Variants in ADGRV1 observed in about 807,000 individuals in gnomAD.
The protein encoded by ADGRV1 is G-protein coupled receptor 98.
In ADGRV1, 359 loss-of-function variants were observed where a neutral mutation model predicts 596.2. The observed-to-expected ratio is 0.60, with a 90% CI of 0.55 to 0.66. ADGRV1 has a LOEUF of 0.66. ADGRV1 is among the 30% of genes least tolerant of loss of function. The probability of loss-of-function intolerance (pLI) is 0.00; values close to 1 mark genes in which losing one functional copy is unlikely to be tolerated. For synonymous variants in ADGRV1, 2,681 were observed against 2,679.2 expected, an observed-to-expected ratio of 1.00 and a Z score of -0.02; for missense variants, 7,274 against 7,575.6, an observed-to-expected ratio of 0.96 and a Z score of 1.48.
chr5:90,711,940 T>G (rs1432265635), intron 41 of ADGRV1, among the ~76,000 whole-genome samples: 1 of 151,872 alleles, frequency 6.6e-6, no homozygotes, highest in Non-Finnish European at 1.5e-5. Flanking sequence ...CCATGCTAAT[T>G]TTTTTTGTAT....
chr5:90,853,987 C>T (rs892098889), intron 80 of ADGRV1, 75 bp from the exon 81 acceptor site: 6 of 1,106,080 alleles, frequency 5.4e-6, no homozygotes, highest in Non-Finnish European at 6.6e-6. Context: ...AAAATGAAGT[C>T]AAGTTCAGGG....
At chr5:90,942,069 A>C (rs1328538397) in intron 83 of ADGRV1, among the ~76,000 whole-genome samples, 2 of 152,164 alleles carry the variant, frequency 1.3e-5, no homozygotes, top group African/African-American at 4.8e-5. Flanking sequence ...TCTTATCTAA[A>C]CCAAAAGTGA....
At chr5:90,615,041 A>G (rs773117759) in intron 2 of ADGRV1, 22 bp downstream of exon 2, 16 of 1,352,690 alleles carry the variant, frequency 1.2e-5, no homozygotes, top group South Asian at 1.1e-4. Context: ...TTATAGCTCT[A>G]TTTTTACTGA....
chr5:90,586,880 T>C (rs1251250319), intron 1 of ADGRV1, among the ~76,000 whole-genome samples: 2 of 152,250 alleles, frequency 1.3e-5, no homozygotes, highest in African/African-American at 4.8e-5. Context: ...TTTCTAACTC[T>C]GTCATTCTTA....
intron 78 of ADGRV1, among the ~76,000 whole-genome samples, chr5:90,841,627 G>A (rs1418154659): frequency 6.6e-6 from 1 of 151,782 alleles, no homozygotes; most frequent in East Asian, 1.9e-4. Context: ...TATCTATAAA[G>A]TTATTACTTA....
chr5:90,762,243 C>G (rs1008998812), intron 58 of ADGRV1, among the ~76,000 whole-genome samples: 1 of 152,046 alleles, frequency 6.6e-6, no homozygotes, highest in Non-Finnish European at 1.5e-5. Context: ...GTGGTATGAA[C>G]AGTTTGGAGT....
At chr5:90,752,857 T>C (rs180678263) in intron 53 of ADGRV1, among the ~76,000 whole-genome samples, 1 of 152,322 alleles carries the variant, frequency 6.6e-6, no homozygotes, top group Non-Finnish European at 1.5e-5. Flanking sequence ...TCCATTGCCT[T>C]TTCCAGGTGG....
At chr5:91,010,176 G>A (rs920499648) in intron 85 of ADGRV1, among the ~76,000 whole-genome samples, 2 of 152,076 alleles carry the variant, frequency 1.3e-5, no homozygotes, top group Non-Finnish European at 2.9e-5. Flanking sequence ...GAATGGGGAT[G>A]CATAAAAGCT....
intron 83 of ADGRV1, among the ~76,000 whole-genome samples, chr5:90,958,338 T>C (rs1039766161): frequency 7.2e-6 from 1 of 138,308 alleles, no homozygotes; most frequent in Admixed American, 7.1e-5. Context: ...GAAAAAGAAA[T>C]ATTTTGGATA....
At chr5:90,982,649 C>T (rs1203071817) in intron 84 of ADGRV1, among the ~76,000 whole-genome samples, 2 of 152,210 alleles carry the variant, frequency 1.3e-5, no homozygotes, top group African/African-American at 4.8e-5. Flanking sequence ...GCTTCACTGC[C>T]CTCATGGCTA....
intron 77 of ADGRV1, among the ~76,000 whole-genome samples, chr5:90,836,411 A>C (rs1009861082): frequency 6.6e-6 from 1 of 152,152 alleles, no homozygotes; most frequent in African/African-American, 2.4e-5. Flanking sequence ...GAAACATACT[A>C]TTGATACACA....
At chr5:90,916,069 G>A (rs1773322135) in intron 83 of ADGRV1, among the ~76,000 whole-genome samples, 1 of 152,102 alleles carries the variant, frequency 6.6e-6, no homozygotes, top group Non-Finnish European at 1.5e-5. Context: ...GGGAATTGGA[G>A]AGATAGGAAG....
chr5:90,823,551 G>A lies in ADGRV1; in HGVS notation c.16323G>A (p.Met5441Ile), dbSNP rs1763798897. ...QSVSGTTTCT[M>I]GQTKCFISIE... is the part of the protein sequence containing the mutation. ...TGTCAGGGACCACAACCTGTACAAT[G>A]GGTCAAACAAAATGCTTTATCAGCA... Residue 5441 changes from methionine (M) to isoleucine (I), a missense_variant, in exon 76 of 90, where the codon ATG (methionine) becomes ATA (isoleucine). This residue lies in a region of ADGRV1 where 1,874 missense variants were observed against 1,970.2 expected (regional missense o/e 0.95). Coordinates refer to ENST00000405460, the MANE Select transcript of ADGRV1 (RefSeq NM_032119.4). 1.9e-5 allele frequency: 31 copies of A among 1,613,676 alleles called. No homozygotes were observed. Among genetic ancestry groups the A allele is most frequent in the Non-Finnish European group, 2.5e-5 (30 of 1,179,816 alleles).
intron 59 of ADGRV1, among the ~76,000 whole-genome samples, chr5:90,771,108 T>G (rs190903945): frequency 6.6e-6 from 1 of 152,296 alleles, no homozygotes; most frequent in East Asian, 1.9e-4. Context: ...ATTTTTTATA[T>G]CTTTCTGGGA....
At chr5:90,570,042 A>G (rs1196097867) in intron 1 of ADGRV1, among the ~76,000 whole-genome samples, 1 of 152,114 alleles carries the variant, frequency 6.6e-6, no homozygotes, top group Non-Finnish European at 1.5e-5. Flanking sequence ...CTGGCACTTT[A>G]CATTTTTTTC....
chr5:90,655,044 A>G (rs766352590), intron 20 of ADGRV1: 6 of 152,204 alleles, frequency 3.9e-5, no homozygotes, highest in Non-Finnish European at 7.3e-5. Flanking sequence ...ATTGAACTGT[A>G]GTGCCCTTTA....
At chr5:90,842,971 A>T (rs1279634546) in intron 78 of ADGRV1, among the ~76,000 whole-genome samples, 1 of 152,078 alleles carries the variant, frequency 6.6e-6, no homozygotes, top group African/African-American at 2.4e-5. Context: ...ATGTACATAC[A>T]GAAAATATAT....
chr5:90,971,602 A>C, intron 84 of ADGRV1, among the ~76,000 whole-genome samples: 1 of 152,204 alleles, frequency 6.6e-6, no homozygotes, highest in Non-Finnish European at 1.5e-5. Context: ...AGCCAAACTA[A>C]GCTTTGTAAG....
intron 85 of ADGRV1, among the ~76,000 whole-genome samples, chr5:90,994,015 G>A (rs567740387): frequency 1.3e-5 from 2 of 148,538 alleles, no homozygotes; most frequent in African/African-American, 4.9e-5. Context: ...CTATTGTTTG[G>A]CATCATTAGT....
Sources: allele counts gnomAD v4.1 joint callset (sites outside exome capture counted in the v4.1 genomes callset), GRCh38; gene constraint gnomAD v4.1.1; regional missense constraint gnomAD v4.1.1; transcripts MANE v1.5; gene names NCBI Gene and HGNC (gene_info 2026-07-23, HGNC 2026-07-21).